Variants in COL25A1 observed in about 807,000 individuals in gnomAD.
COL25A1 encodes the protein collagen type XXV alpha 1 chain.
A neutral mutation model predicts 128.4 loss-of-function variants in COL25A1; 103 were observed. The observed-to-expected ratio is 0.80, with a 90% CI of 0.68 to 0.94. The LOEUF is 0.94. Ranked by LOEUF, COL25A1 falls within the 40% of genes least tolerant of loss-of-function variation. The pLI is 0.00. For synonymous variants in COL25A1, 279 were observed against 277.2 expected (o/e 1.01, Z -0.06); for missense variants, 745 against 840.0 (o/e 0.89, Z 1.40).
At chr4:108,999,358 T>A (rs12504228) in intron 6 of COL25A1, among the ~76,000 whole-genome samples, 120,994 of 152,076 alleles carry the variant, frequency 0.8, 49,297 homozygotes, top group East Asian at 1. Flanking sequence ...AACAGACATA[T>A]GAAAAAATGG....
chr4:108,917,339 A>C (rs1248765540), intron 13 of COL25A1, among the ~76,000 whole-genome samples: 1 of 152,226 alleles, frequency 6.6e-6, no homozygotes, highest in African/African-American at 2.4e-5. Context: ...CATGGATTTA[A>C]AATACTCTGG....
chr4:109,171,337 T>C (rs1294905061), intron 3 of COL25A1, among the ~76,000 whole-genome samples: 1 of 152,222 alleles, frequency 6.6e-6, no homozygotes, highest in African/African-American at 2.4e-5. Flanking sequence ...AATCCATATG[T>C]TGAAACCCTA....
At chr4:109,164,550 G>C (rs951892907) in intron 3 of COL25A1, among the ~76,000 whole-genome samples, 1 of 152,162 alleles carries the variant, frequency 6.6e-6, no homozygotes, top group Non-Finnish European at 1.5e-5. Context: ...GGTGTGAACA[G>C]TGTTGGTTAC....
chr4:109,038,923 C>T (rs1759605179), intron 5 of COL25A1, among the ~76,000 whole-genome samples: 1 of 152,168 alleles, frequency 6.6e-6, no homozygotes, highest in Non-Finnish European at 1.5e-5. Context: ...CCCTCAGCAT[C>T]AACCCCTACC....
chr4:108,903,194 A>G (rs1743059009), intron 13 of COL25A1, among the ~76,000 whole-genome samples: 1 of 151,918 alleles, frequency 6.6e-6, no homozygotes. Flanking sequence ...TGAAAGTTTG[A>G]TCTCCTTTTT....
chr4:109,131,594 G>A (rs1040894384), intron 3 of COL25A1, among the ~76,000 whole-genome samples: 1 of 152,216 alleles, frequency 6.6e-6, no homozygotes, highest in African/African-American at 2.4e-5. Flanking sequence ...GGAGATGAAA[G>A]CTGTGTGATC....
intron 31 of COL25A1, among the ~76,000 whole-genome samples, chr4:108,836,495 G>A (rs1470593044): frequency 2.6e-5 from 4 of 152,070 alleles, no homozygotes; most frequent in Admixed American, 6.6e-5. Flanking sequence ...CCATGAGTTA[G>A]AGATCAGCGT....
intron 6 of COL25A1, among the ~76,000 whole-genome samples, chr4:109,009,714 A>G (rs958807818): frequency 2.8e-4 from 42 of 152,200 alleles, no homozygotes; most frequent in African/African-American, 9.9e-4. Flanking sequence ...TATAATTAGT[A>G]TTGATATTGA....
chr4:109,015,871 T>C (rs1400611244), intron 5 of COL25A1, among the ~76,000 whole-genome samples: 2 of 152,212 alleles, frequency 1.3e-5, no homozygotes, highest in Non-Finnish European at 2.9e-5. Context: ...CTATTCTTTG[T>C]TGGACTGTTG....
intron 3 of COL25A1, among the ~76,000 whole-genome samples, chr4:109,052,426 AGGGTT>A (rs1761083295): frequency 6.6e-6 from 1 of 152,208 alleles, no homozygotes; most frequent in Non-Finnish European, 1.5e-5. Flanking sequence ...TGAATATGGT[AGGGTT>A]TTACAAAGCA....
intron 3 of COL25A1, among the ~76,000 whole-genome samples, chr4:109,246,285 G>C (rs935116820): frequency 1.3e-5 from 2 of 152,042 alleles, no homozygotes; most frequent in Non-Finnish European, 2.9e-5. Flanking sequence ...AAATGCAAAT[G>C]ACAAATCTAT....
intron 8 of COL25A1, among the ~76,000 whole-genome samples, chr4:108,943,279 T>A (rs1300784420): frequency 6.6e-6 from 1 of 152,238 alleles, no homozygotes; most frequent in African/African-American, 2.4e-5. Context: ...GTAATTTCCC[T>A]CAATTGACAT....
At chr4:109,267,724 C>G (rs1190558005) in intron 3 of COL25A1, among the ~76,000 whole-genome samples, 1 of 152,066 alleles carries the variant, frequency 6.6e-6, no homozygotes, top group Non-Finnish European at 1.5e-5. Flanking sequence ...TGGAGCATTT[C>G]AGATTTTGGA....
intron 4 of COL25A1, among the ~76,000 whole-genome samples, chr4:109,049,433 G>C (rs1760779350): frequency 6.6e-6 from 1 of 152,150 alleles, no homozygotes; most frequent in Non-Finnish European, 1.5e-5. Context: ...TTGGGGATTT[G>C]TTTTACATAT....
intron 3 of COL25A1, among the ~76,000 whole-genome samples, chr4:109,054,840 A>G (rs1761315863): frequency 1.3e-5 from 2 of 152,130 alleles, no homozygotes; most frequent in South Asian, 2.1e-4. Context: ...GGGGTAGGGA[A>G]GTCTGGAGGA....
In COL25A1 at chr4:108,991,196, T is replaced by C. The variant is rs555258495; in HGVS notation, c.439-16637A>G. Among the ~76,000 whole-genome samples the C allele has an allele frequency of 7.9e-5, 12 of 152,334 alleles. No individual in the cohort carries two copies. In the East Asian group the frequency reaches 2.1e-3, roughly 27 times the overall value. Reference sequence around the variant, plus strand: ...TATTCATGAAATGCTACGTGTTATTTACCTTTATTCAGGCAGAATTGAGAG... The same window carrying C: ...TATTCATGAAATGCTACGTGTTATTCACCTTTATTCAGGCAGAATTGAGAG... On this transcript the variant is annotated intron_variant, in intron 6 of 37. Coordinates refer to ENST00000399132, the MANE Select transcript of COL25A1 (RefSeq NM_198721.4).
At chr4:109,147,129 T>G (rs1204980028) in intron 3 of COL25A1, among the ~76,000 whole-genome samples, 1 of 152,224 alleles carries the variant, frequency 6.6e-6, no homozygotes, top group East Asian at 1.9e-4. Context: ...TCACCTGTAT[T>G]TCCCTAATTG....
chr4:108,912,599 C>T (rs1345501596), intron 13 of COL25A1, among the ~76,000 whole-genome samples: 1 of 152,014 alleles, frequency 6.6e-6, no homozygotes, highest in Non-Finnish European at 1.5e-5. Context: ...AACAGCCCTA[C>T]AACATGTTGA....
chr4:109,095,615 C>G (rs1377688181), intron 3 of COL25A1, among the ~76,000 whole-genome samples: 1 of 152,174 alleles, frequency 6.6e-6, no homozygotes, highest in Admixed American at 6.5e-5. Flanking sequence ...ACTCATTTGT[C>G]CCCTGGGAAA....
Sources: allele counts gnomAD v4.1 joint callset (sites outside exome capture counted in the v4.1 genomes callset), GRCh38; gene constraint gnomAD v4.1.1; transcripts MANE v1.5; gene names NCBI Gene and HGNC (gene_info 2026-07-23, HGNC 2026-07-21).